The following TMEM25 variants were observed in gnomAD, a reference collection of about 807,000 sequenced individuals.
TMEM25 encodes transmembrane protein 25.
TMEM25 carries 36 observed loss-of-function variants against 37.0 expected under a neutral mutation model. The observed-to-expected ratio is 0.97, with a 90% CI of 0.75 to 1.28. The LOEUF is 1.28. Ranked by LOEUF, TMEM25 falls within the 50% of genes most tolerant of loss-of-function variation. The pLI, the probability that TMEM25 is intolerant of heterozygous loss-of-function variation, is 0.00. For synonymous variants in TMEM25, 197 were observed against 203.7 expected, an observed-to-expected ratio of 0.97 and a Z score of 0.28; for missense variants, 444 against 477.9, an observed-to-expected ratio of 0.93 and a Z score of 0.66.
At chr11:118,533,924 G>C in intron 6 of TMEM25, 37 bp downstream of exon 6, 1 of 1,613,976 alleles carries the variant, frequency 6.2e-7, no homozygotes, top group East Asian at 2.2e-5. Context: ...AAGCCTAACC[G>C]AAATGCAGGA....
chr11:118,542,096 GTT>G (rs553879425), intron 8 of TMEM25, among the ~76,000 whole-genome samples: 1 of 152,144 alleles, frequency 6.6e-6, no homozygotes, highest in Non-Finnish European at 1.5e-5. Context: ...GCACTGTTTG[GTT>G]TTTTGTTCCT....
Position 118,532,385 on chromosome 11 carries a change from G to T in TMEM25, c.306G>T (p.Gln102His). Residue 102 changes from glutamine (Q) to histidine (H), a missense_variant, in exon 3 of 9, where the codon CAG (glutamine) becomes CAT (histidine). Coordinates refer to ENST00000313236, the MANE Select transcript of TMEM25 (RefSeq NM_032780.4). ...TCACTGTCACTGCCCATCGGGCCCA[G>T]CATGAGCTCAACTGCTCTCTGCAGG... ...STFTVTAHRA[Q>H]HELNCSLQDP... The T allele has an allele frequency of 6.2e-7, 1 of 1,614,192 alleles. No homozygotes were observed. The highest frequency in any genetic ancestry group is 2.2e-5 in the East Asian group (1 of 44,872).
downstream of TMEM25, among the ~76,000 whole-genome samples, chr11:118,536,241 T>G (rs1555063461): frequency 1.3e-5 from 2 of 151,780 alleles, no homozygotes; most frequent in Admixed American, 6.6e-5. Flanking sequence ...TTGCCCAGGC[T>G]GGAGTGCAAT....
In TMEM25 at chr11:118,533,049, T is replaced by C. The variant is rs782009189; in HGVS notation, c.515T>C (p.Val172Ala). 1.2e-6 allele frequency: 2 copies of C among 1,614,206 alleles called. No homozygotes were observed. Among genetic ancestry groups the C allele is most frequent in the Non-Finnish European group, 1.7e-6 (2 of 1,180,038 alleles). The change falls in exon 4 of 9, where the codon GTG becomes GCG. Residue 172 changes from valine (V) to alanine (A), a missense_variant. Coordinates refer to ENST00000313236, the MANE Select transcript of TMEM25 (RefSeq NM_032780.4). ...ACCTGGATCGACCAGGATGGGCCAG[T>C]GACTGTCAACACCTCTGACTTCCTG... Reference protein sequence around the residue: ...NVTWIDQDGPVTVNTSDFLVL... With the variant: ...NVTWIDQDGPATVNTSDFLVL...
chr11:118,536,410 C>T (rs1039365033), downstream of TMEM25, among the ~76,000 whole-genome samples: 1 of 151,998 alleles, frequency 6.6e-6, no homozygotes, highest in African/African-American at 2.4e-5. Context: ...TCAGGCTGGT[C>T]TTGAACTCCC....
At chr11:118,536,679 C>G (rs572813226), downstream of TMEM25, among the ~76,000 whole-genome samples, 140 of 152,310 alleles carry the variant, frequency 9.2e-4, 1 homozygote, top group African/African-American at 3.3e-3. Context: ...TTGGCTATAA[C>G]TAGCATCTGA....
In TMEM25 at chr11:118,533,156, G is replaced by A. The variant is rs1951373655; in HGVS notation, c.622G>A (p.Val208Met). 1 of 1,607,998 alleles carries A rather than the reference G, an allele frequency of 6.2e-7. No individual in the cohort carries two copies. The highest frequency in any genetic ancestry group is 1.3e-5 in the African/African-American group (1 of 74,928). ...QLRSLAHNLS[V>M]VATNDVGVTS... Reference sequence around the variant, plus strand: ...CCGCAGCCTGGCACACAACCTCTCGGTGGTGGCCACCAATGACGTGGGTGT... The same window carrying A: ...CCGCAGCCTGGCACACAACCTCTCGATGGTGGCCACCAATGACGTGGGTGT... Residue 208 changes from valine (V) to methionine (M), a missense_variant, in exon 4 of 9, where the codon GTG (valine) becomes ATG (methionine). Coordinates refer to ENST00000313236, the MANE Select transcript of TMEM25 (RefSeq NM_032780.4).
chr11:118,532,896 T>C (rs781893182), intron 3 of TMEM25, 21 bp from the exon 4 acceptor site: 9 of 1,601,338 alleles, frequency 5.6e-6, no homozygotes, highest in Non-Finnish European at 7.7e-6. Flanking sequence ...TGAGAGCATA[T>C]TGGCCTCTGC....
At position 118,535,008 on chromosome 11, in the gene TMEM25, A is replaced by AT. The variant is rs1452573866; in HGVS notation, c.*432dup. On this transcript the variant is annotated 3_prime_UTR_variant, in exon 9 of 9. Transcript: ENST00000313236. ...GGGGGACAGGGAGGGCCCTGCATGGATTTTCCTCCTTCCTATGCTATGTAG... is the reference window on the plus strand; with the variant it reads ...GGGGGACAGGGAGGGCCCTGCATGGATTTTTCCTCCTTCCTATGCTATGTAG... The AT allele has an allele frequency of 9.6e-7, 1 of 1,045,414 alleles. No homozygotes were observed. The highest frequency in any genetic ancestry group is 1.2e-6 in the Non-Finnish European group (1 of 867,506). 64.8% of individuals were successfully genotyped at this position (1,045,414 alleles called of 1,614,324 possible). A position where few individuals can be genotyped will look rare whatever the true frequency, so the allele number is the denominator to read the frequency against.
chr11:118,538,164 AATT>A (rs1235268531), downstream of TMEM25, among the ~76,000 whole-genome samples: 1 of 151,944 alleles, frequency 6.6e-6, no homozygotes, highest in Non-Finnish European at 1.5e-5. Context: ...CAATATCTGT[AATT>A]ATTATTATTT....
chr11:118,537,327 C>G (rs1246478736), downstream of TMEM25, among the ~76,000 whole-genome samples: 1 of 151,502 alleles, frequency 6.6e-6, no homozygotes, highest in Non-Finnish European at 1.5e-5. Context: ...GATGACAGAG[C>G]AAGACTCCGT....
chr11:118,534,067 C>G lies in TMEM25; in HGVS notation c.875C>G (p.Pro292Arg), dbSNP rs782621586. The G allele has an allele frequency of 1.9e-6, 3 of 1,614,124 alleles. No individual in the cohort carries two copies. The South Asian group carries it at 3.3e-5, about 18-fold the overall frequency. Reference sequence around the variant, plus strand: ...CTAAAACTCAACAACGTGCGCCTGCCACGGGAGAACATGTCCCTCCCGTCC... The same window carrying G: ...CTAAAACTCAACAACGTGCGCCTGCGACGGGAGAACATGTCCCTCCCGTCC... ...NNLKLNNVRL[P>R]RENMSLPSNL... Residue 292 changes from proline to arginine, a missense_variant, in exon 7 of 9, where the codon CCA becomes CGA. Coordinates refer to ENST00000313236, the MANE Select transcript of TMEM25 (RefSeq NM_032780.4). The surrounding 1 kb of genome is among the most constrained non-coding windows in gnomAD (Gnocchi z 4.6).
rs1407265701 is a variant in TMEM25, at chr11:118,534,105, A to G, written c.913A>G (p.Asn305Asp). Reference protein sequence around the residue: ...NMSLPSNLQLNDLTPDSRAVK... With the variant: ...NMSLPSNLQLDDLTPDSRAVK... ...GTCCCTCCCGTCCAACCTTCAGCTC[A>G]ATGACCTCACTCCAGATTCCAGAGG... is the stretch of plus-strand genomic sequence containing the variant. The change falls in exon 7 of 9, where the codon AAT becomes GAT. Residue 305 changes from asparagine (N) to aspartate (D), a missense_variant. Physicochemically the swap from Asn to Asp is conservative, Grantham distance 23. Transcript: ENST00000313236. The surrounding 1 kb of genome is among the most constrained non-coding windows in gnomAD (Gnocchi z 4.6). 2 of 1,613,886 alleles carry G rather than the reference A, an allele frequency of 1.2e-6. No individual in the cohort carries two copies. The highest frequency in any genetic ancestry group is 8.5e-7 in the Non-Finnish European group (1 of 1,179,912).
exon 9 of TMEM25, chr11:118,546,236 G>A (rs185901210): frequency 6.9e-5 from 49 of 710,708 alleles, no homozygotes; most frequent in Admixed American, 5.3e-4. Flanking sequence ...GTGGCTTCAC[G>A]CCTGTAATAC....
At chr11:118,542,383 A>G (rs1555065767) in intron 8 of TMEM25, among the ~76,000 whole-genome samples, 1 of 152,192 alleles carries the variant, frequency 6.6e-6, no homozygotes, top group Non-Finnish European at 1.5e-5. Context: ...AACACCTCTT[A>G]AAGGCCCCAC....
Position 118,534,951 on chromosome 11 carries a change from C to T in TMEM25, c.*371C>T. On this transcript the variant is annotated 3_prime_UTR_variant, in exon 9 of 9. Coordinates refer to ENST00000313236, the MANE Select transcript of TMEM25 (RefSeq NM_032780.4). This position sits in a 1 kb window ranked among gnomAD's most constrained non-coding sequence, Gnocchi z 4.6. ...ACCCCACCCCAGTACTCCACAGCAC[C>T]TTGTACAGTAGGCATGGGGGCGTGC... is the stretch of plus-strand genomic sequence containing the variant. 9.0e-7 allele frequency: 1 copy of T among 1,113,356 alleles called. No individual in the cohort carries two copies. The highest frequency in any genetic ancestry group is 1.1e-6 in the Non-Finnish European group (1 of 907,128). 69.0% of individuals were successfully genotyped at this position (1,113,356 alleles called of 1,614,324 possible).
rs1555060911 is a variant in TMEM25 at position 118,533,461 on chromosome 11, G to C, written c.715G>C (p.Val239Leu). Reference sequence around the variant, plus strand: ...GGTGGAAGTGCCACTGCTGGGCATTGTTGTGGCTGCTGGGCTTGCACTGGG... The same window carrying C: ...GGTGGAAGTGCCACTGCTGGGCATTCTTGTGGCTGCTGGGCTTGCACTGGG... Reference protein sequence around the residue: ...TRVEVPLLGIVVAAGLALGTL... With the variant: ...TRVEVPLLGILVAAGLALGTL... Residue 239 changes from valine to leucine, a missense_variant, in exon 5 of 9, where the codon GTT becomes CTT. Transcript: ENST00000313236. The C allele has an allele frequency of 1.2e-6, 2 of 1,614,048 alleles. No homozygotes were observed. The highest frequency in any genetic ancestry group is 4.5e-5 in the East Asian group (2 of 44,886).
At chr11:118,536,465 T>A (rs1951512161), downstream of TMEM25, among the ~76,000 whole-genome samples, 1 of 152,194 alleles carries the variant, frequency 6.6e-6, no homozygotes, top group Admixed American at 6.5e-5. Flanking sequence ...AGTGCTGGGA[T>A]TACAGGCATG....
At chr11:118,540,871 G>T (rs1555065146) in intron 8 of TMEM25, among the ~76,000 whole-genome samples, 1 of 152,140 alleles carries the variant, frequency 6.6e-6, no homozygotes, top group East Asian at 1.9e-4. Flanking sequence ...CACGTTGTTT[G>T]ACTCCATTTA....
Sources: allele counts gnomAD v4.1 joint callset (sites outside exome capture counted in the v4.1 genomes callset), GRCh38; gene constraint gnomAD v4.1.1; non-coding constraint Gnocchi (gnomAD v3.1); transcripts MANE v1.5; gene names NCBI Gene and HGNC (gene_info 2026-07-23, HGNC 2026-07-21).